Variants in GOPC observed in about 807,000 individuals in gnomAD.
The protein encoded by GOPC is golgi associated PDZ and coiled-coil motif containing, also known as Golgi-associated PDZ and coiled-coil motif-containing protein.
GOPC carries 32 observed loss-of-function variants against 51.2 expected under a neutral mutation model. That is an observed-to-expected ratio of 0.63 (90% CI 0.47 to 0.84). The LOEUF is 0.84. Among genes scored for constraint, GOPC ranks in the 40% least tolerant of loss-of-function variants. The probability of loss-of-function intolerance (pLI) is 0.00; values close to 1 mark genes in which losing one functional copy is unlikely to be tolerated. For missense variants in GOPC, 441 were observed against 555.5 expected (o/e 0.79, Z 2.07); for synonymous variants, 190 against 205.1 (o/e 0.93, Z 0.63).
At chr6:117,563,917 T>G (rs898119162) in intron 8 of GOPC, among the ~76,000 whole-genome samples, 6 of 151,894 alleles carry the variant, frequency 4.0e-5, no homozygotes, top group Admixed American at 3.9e-4. Context: ...TTAAAAATAC[T>G]ATATTGGGCT....
chr6:117,599,898 C>G (rs1475632110), intron 1 of GOPC, among the ~76,000 whole-genome samples: 1 of 152,010 alleles, frequency 6.6e-6, no homozygotes, highest in Non-Finnish European at 1.5e-5. Flanking sequence ...ACATCAAATC[C>G]CTGTTTAAAG....
chr6:117,577,430 C>G lies in GOPC; in HGVS notation c.474+18G>C, dbSNP rs1422275245. On this transcript the variant is annotated intron_variant, in intron 3 of 8. Transcript: ENST00000368498. ...TTCAGCGTGACATATTAAAGCAAAA[C>G]AGAAACAATATACTTACCAGCTCCT... 2 of 1,602,712 alleles carry G rather than the reference C, an allele frequency of 1.2e-6. No individual in the cohort carries two copies. The highest frequency in any genetic ancestry group is 1.7e-5 in the Admixed American group (1 of 58,174).
chr6:117,601,174 A>G (rs3777984), intron 1 of GOPC, among the ~76,000 whole-genome samples: 8,129 of 152,254 alleles, frequency 0.053, 359 homozygotes, highest in South Asian at 0.14. Flanking sequence ...TCTTTATGCA[A>G]TAATGTTAAT....
intron 7 of GOPC, among the ~76,000 whole-genome samples, chr6:117,568,632 T>A (rs2114605917): frequency 6.6e-6 from 1 of 152,312 alleles, no homozygotes; most frequent in Admixed American, 6.5e-5. Context: ...AAGAGACAGA[T>A]GATGCAGTGG....
chr6:117,584,733 A>G (rs1780006103), intron 1 of GOPC, among the ~76,000 whole-genome samples: 1 of 151,332 alleles, frequency 6.6e-6, no homozygotes, highest in African/African-American at 2.4e-5. Flanking sequence ...GTGATTCCCA[A>G]TGTTAGAGAT....
intron 1 of GOPC, among the ~76,000 whole-genome samples, chr6:117,583,911 A>T (rs1244700814): frequency 6.6e-6 from 1 of 152,108 alleles, no homozygotes; most frequent in Non-Finnish European, 1.5e-5. Context: ...TTTTCAGAAT[A>T]CTCTTCTCCC....
chr6:117,579,203 C>A (rs560998172), intron 1 of GOPC, 139 bp from the exon 2 acceptor site: 279 of 655,072 alleles, frequency 4.3e-4, no homozygotes, highest in Non-Finnish European at 6.4e-4. Flanking sequence ...ATCCAAGATA[C>A]AAGACATCCA....
intron 1 of GOPC, among the ~76,000 whole-genome samples, chr6:117,597,085 T>C (rs1780208347): frequency 6.6e-6 from 1 of 152,338 alleles, no homozygotes; most frequent in East Asian, 1.9e-4. Context: ...ATAGTTTTCT[T>C]TGTATAGGTC....
chr6:117,579,392 G>A (rs1394628925), intron 1 of GOPC, among the ~76,000 whole-genome samples: 1 of 152,060 alleles, frequency 6.6e-6, no homozygotes, highest in East Asian at 1.9e-4. Context: ...AAAACTATGA[G>A]GTGGTTCACC....
intron 3 of GOPC, 131 bp downstream of exon 3, chr6:117,577,317 T>C: frequency 1.3e-6 from 1 of 781,556 alleles, no homozygotes; most frequent in Non-Finnish European, 2.1e-6. Flanking sequence ...TTTCAGGTAC[T>C]GGAACATTAA....
intron 5 of GOPC, among the ~76,000 whole-genome samples, chr6:117,571,618 C>T (rs1174451586): frequency 6.6e-6 from 1 of 152,120 alleles, no homozygotes; most frequent in Non-Finnish European, 1.5e-5. Flanking sequence ...TCCTTAACCT[C>T]TACACGAAGT....
In GOPC at chr6:117,569,714, G is replaced by A; in HGVS notation, c.935C>T (p.Pro312Leu). The change falls in exon 7 of 9, where the codon CCA becomes CTA. Residue 312 changes from proline to leucine, a missense_variant. Pro to Leu is a moderately conservative substitution (Grantham distance 98). Around this residue, in one of 3 missense-constraint regions of GOPC, gnomAD observed 166 missense variants for 267.0 expected, o/e 0.62. Coordinates refer to ENST00000368498, the MANE Select transcript of GOPC (RefSeq NM_020399.4). ...SITGGKEHGV[P>L]ILISEIHPGQ... ...CGGATGGATCTCAGAGATGAGGATT[G>A]GAACACCATGTTCTTTCCCACCCTA... The A allele has an allele frequency of 6.2e-7, 1 of 1,600,804 alleles. No individual in the cohort carries two copies. The highest frequency in any genetic ancestry group is 8.5e-7 in the Non-Finnish European group (1 of 1,175,206).
In GOPC at chr6:117,562,252, T is replaced by C; in HGVS notation, c.*1002A>G. 4.8e-6 allele frequency: 1 copy of C among 207,502 alleles called. No homozygotes were observed. 12.9% of individuals were successfully genotyped at this position (207,502 alleles called of 1,614,324 possible). On this transcript the variant is annotated 3_prime_UTR_variant, in exon 9 of 9. Transcript: ENST00000368498. ...ATTACTGTATCAAAATGTCTTTATC[T>C]CATCTTGCCCACCTTTTAGATGACT...
Position 117,563,454 on chromosome 6 carries a change from G to A in GOPC, c.1259-70C>T, listed in dbSNP as rs1779628579. On this transcript the variant is annotated intron_variant, in intron 8 of 8. Transcript: ENST00000368498. ...AAGTTGGTTTTGGTCAGGTGCAGTG[G>A]CTCATACCTGTAATCCCAGCACTTT... is the stretch of plus-strand genomic sequence containing the variant. 7 of 1,452,224 alleles carry A rather than the reference G, an allele frequency of 4.8e-6. No homozygotes were observed. In the Admixed American group the frequency reaches 1.2e-4, roughly 25 times the overall value. The allele number at this position is 1,452,224 out of a possible 1,614,324, so 90.0% of individuals were successfully genotyped here. A position where few individuals can be genotyped will look rare whatever the true frequency, so the allele number is the denominator to read the frequency against.
chr6:117,587,386 A>G (rs991780754), intron 1 of GOPC, among the ~76,000 whole-genome samples: 22 of 152,176 alleles, frequency 1.4e-4, no homozygotes, highest in African/African-American at 4.8e-4. Context: ...AACCAGGCAT[A>G]CATAACTACT....
At chr6:117,567,107 G>T (rs1185834860) in intron 7 of GOPC, 73 bp from the exon 8 acceptor site, 2 of 1,128,910 alleles carry the variant, frequency 1.8e-6, no homozygotes, top group African/African-American at 1.6e-5. Context: ...CAAATTCTTT[G>T]TGGGAAGGCT....
At position 117,602,260 on chromosome 6, in the gene GOPC, G is replaced by A. The variant is rs1051022441; in HGVS notation, c.29C>T (p.Ala10Val). 3.1e-6 allele frequency: 5 copies of A among 1,596,704 alleles called. No homozygotes were observed. The African/African-American group carries it at 4.0e-5, about 13-fold the overall frequency. Residue 10 changes from alanine to valine, a missense_variant, in exon 1 of 9, where the codon GCA (alanine) becomes GTA (valine). Transcript: ENST00000368498. The stretch of plus-strand genomic sequence containing the variant: ...GGCGCCCCCTGGGCCCCCTCCGGCT[G>A]CTGCTGGGCATGGACCGCCCGCCGA... Reference protein sequence around the residue: MSAGGPCPAAAGGGPGGASC... With the variant: MSAGGPCPAVAGGGPGGASC...
At chr6:117,588,377 G>C (rs1430018565) in intron 1 of GOPC, among the ~76,000 whole-genome samples, 1 of 151,824 alleles carries the variant, frequency 6.6e-6, no homozygotes, top group East Asian at 1.9e-4. Flanking sequence ...CCAGGTTCAA[G>C]AGATTCTCCT....
intron 4 of GOPC, 125 bp from the exon 5 acceptor site, chr6:117,573,757 G>A (rs373216283): frequency 5.9e-6 from 4 of 678,214 alleles, no homozygotes; most frequent in African/African-American, 3.7e-5. Flanking sequence ...TAATACTCAC[G>A]AACTTCTTGA....
Sources: gnomAD v4.1 joint callset for allele counts (sites outside exome capture counted in the v4.1 genomes callset) on GRCh38, gnomAD v4.1.1 for gene constraint, gnomAD v4.1.1 regional missense constraint, MANE v1.5 for transcripts, NCBI Gene and HGNC (gene_info 2026-07-23, HGNC 2026-07-21) for gene names.